Variants in MRO observed in about 807,000 individuals in gnomAD.
MRO encodes protein maestro.
A neutral mutation model predicts 31.0 loss-of-function variants in MRO; 28 were observed. That is an observed-to-expected ratio of 0.90 (90% CI 0.67 to 1.24). The LOEUF is 1.24. MRO is among the 50% of genes most tolerant of loss of function. MRO has a pLI of 0.00. For missense variants in MRO, 332 were observed against 289.2 expected (o/e 1.15, Z -1.07); for synonymous variants, 108 against 108.4 (o/e 1.00, Z 0.02).
chr18:50,805,050 C>A, intron 5 of MRO, 104 bp downstream of exon 5: 4 of 953,178 alleles, frequency 4.2e-6, no homozygotes, highest in Non-Finnish European at 6.5e-6. Flanking sequence ...CTCGGCCTCC[C>A]AAAGTGCTGA....
intron 7 of MRO, 95 bp from the exon 8 acceptor site, chr18:50,799,485 G>C (rs964686933): frequency 5.7e-6 from 6 of 1,049,086 alleles, no homozygotes; most frequent in Admixed American, 5.2e-5. Flanking sequence ...AGGGCATGTG[G>C]ATAAGCAGGA....
In MRO at chr18:50,803,204, A is replaced by G. The variant is rs140411624; in HGVS notation, c.430-1700T>C. On this transcript the variant is annotated intron_variant, in intron 5 of 7. Transcript: ENST00000398439. ...GATTTCTGCTCAAAAATTCCAGGCA[A>G]CCAGGGTTTAAAAAAATGGTTGAAG... 7.8e-3 allele frequency among the ~76,000 whole-genome samples: 1,193 copies of G among 152,260 alleles called. 7 individuals are homozygous for G. Among genetic ancestry groups the G allele is most frequent in the Non-Finnish European group, 0.014 (927 of 68,018 alleles).
At chr18:50,810,149 G>A (rs549813061) in intron 2 of MRO, among the ~76,000 whole-genome samples, 42 of 151,912 alleles carry the variant, frequency 2.8e-4, no homozygotes, top group African/African-American at 8.2e-4. Context: ...TTTTTTTTAC[G>A]TTGTCCAGTC....
At chr18:50,806,284 G>A (rs1913915404) in intron 4 of MRO, among the ~76,000 whole-genome samples, 1 of 152,162 alleles carries the variant, frequency 6.6e-6, no homozygotes, top group African/African-American at 2.4e-5. Flanking sequence ...CCTCCTGCTG[G>A]CCTGGAGGAA....
chr18:50,816,860 C>T (rs903769581), intron 2 of MRO, among the ~76,000 whole-genome samples: 1 of 152,162 alleles, frequency 6.6e-6, no homozygotes, highest in African/African-American at 2.4e-5. Flanking sequence ...TATAAAACAG[C>T]TGGTATCTCT....
intron 6 of MRO, among the ~76,000 whole-genome samples, chr18:50,800,422 C>A (rs1913183718): frequency 6.6e-6 from 1 of 152,172 alleles, no homozygotes; most frequent in African/African-American, 2.4e-5. Context: ...TAAATTTAAT[C>A]TCTCTCTCAG....
intron 5 of MRO, among the ~76,000 whole-genome samples, chr18:50,804,607 C>A (rs1458392292): frequency 6.6e-6 from 1 of 151,442 alleles, no homozygotes; most frequent in African/African-American, 2.4e-5. Context: ...GCCTGGGTGA[C>A]AGAGTGAGAC....
rs923712298 is a variant in MRO at position 50,808,692 on chromosome 18, T to C, written c.99+610A>G. On this transcript the variant is annotated intron_variant, in intron 3 of 7. Transcript: ENST00000398439. Reference sequence around the variant, plus strand: ...CTGGTCTAGAACTCCTCAGCTCAAGTGATCCGCCTGCCTCAGCCTCCCAAA... The same window carrying C: ...CTGGTCTAGAACTCCTCAGCTCAAGCGATCCGCCTGCCTCAGCCTCCCAAA... Among the ~76,000 whole-genome samples the C allele has an allele frequency of 2.0e-5, 3 of 151,598 alleles. No homozygotes were observed. The South Asian group carries it at 6.3e-4, about 32-fold the overall frequency.
At chr18:50,801,620 T>C in intron 5 of MRO, 116 bp from the exon 6 acceptor site, 1 of 978,984 alleles carries the variant, frequency 1.0e-6, no homozygotes, top group Admixed American at 2.4e-5. Flanking sequence ...TCAGAACACA[T>C]CACAGCCATC....
At chr18:50,824,463 T>C (rs928851473), upstream of MRO, among the ~76,000 whole-genome samples, 2 of 135,174 alleles carry the variant, frequency 1.5e-5, no homozygotes, top group African/African-American at 2.7e-5. Context: ...TTCTTTCTTT[T>C]TTTTTTTTTG....
chr18:50,816,211 T>G (rs1914906903), intron 2 of MRO: 1 of 152,668 alleles, frequency 6.6e-6, no homozygotes, highest in Non-Finnish European at 1.5e-5. Flanking sequence ...TACTGCAGCT[T>G]AAACAGAAAA....
At chr18:50,822,296 A>T (rs1337492536), upstream of MRO, among the ~76,000 whole-genome samples, 1 of 151,696 alleles carries the variant, frequency 6.6e-6, no homozygotes, top group Non-Finnish European at 1.5e-5. Context: ...TGTGAATTAC[A>T]TGTGTATTAC....
In MRO at chr18:50,803,189, C is replaced by CA. The variant is rs149795071; in HGVS notation, c.430-1686dup. 3.8e-3 allele frequency among the ~76,000 whole-genome samples: 576 copies of CA among 152,106 alleles called. 1 individual carries two copies. The highest frequency in any genetic ancestry group is 0.013 in the African/African-American group (545 of 41,474). ...TTCTACATGGCCGGGGATTTCTGCTCAAAAATTCCAGGCAACCAGGGTTTA... is the reference window on the plus strand; with the variant it reads ...TTCTACATGGCCGGGGATTTCTGCTCAAAAAATTCCAGGCAACCAGGGTTTA... On this transcript the variant is annotated intron_variant, in intron 5 of 7. Coordinates refer to ENST00000398439, the MANE Select transcript of MRO (RefSeq NM_031939.6).
chr18:50,821,535 G>A (rs1474156200), upstream of MRO, among the ~76,000 whole-genome samples: 3 of 152,144 alleles, frequency 2.0e-5, no homozygotes, highest in African/African-American at 2.4e-5. Flanking sequence ...AAGATTATCC[G>A]AAGAACAGAG....
chr18:50,806,617 G>C lies in MRO; in HGVS notation c.246+87C>G. The C allele has an allele frequency of 3.3e-6, 5 of 1,498,608 alleles. No individual in the cohort carries two copies. In the South Asian group the frequency reaches 5.8e-5, roughly 17 times the overall value. 92.8% of individuals were successfully genotyped at this position (1,498,608 alleles called of 1,614,324 possible). On this transcript the variant is annotated intron_variant, in intron 4 of 7. Transcript: ENST00000398439. ...GGGGTGATAGATAACTAATACAACA[G>C]ACACCATACTCCAGCCCTGGGAGTC...
rs1913962749 is a variant in MRO, at chr18:50,806,629, C to T, written c.246+75G>A. On this transcript the variant is annotated intron_variant, in intron 4 of 7. Transcript: ENST00000398439. ...AACTAATACAACAGACACCATACTC[C>T]AGCCCTGGGAGTCTCCACACCAAGG... 5 of 1,561,258 alleles carry T rather than the reference C, an allele frequency of 3.2e-6. No homozygotes were observed. The East Asian group carries it at 6.7e-5, about 21-fold the overall frequency.
chr18:50,800,181 G>T (rs1380008563), intron 6 of MRO, 38 bp from the exon 7 acceptor site: 3 of 1,420,254 alleles, frequency 2.1e-6, no homozygotes, highest in Non-Finnish European at 2.9e-6. Flanking sequence ...TTATTAGAGA[G>T]TTCCATAATC....
chr18:50,818,444 G>A (rs531438445), intron 2 of MRO, among the ~76,000 whole-genome samples: 6 of 152,212 alleles, frequency 3.9e-5, no homozygotes, highest in African/African-American at 1.4e-4. Context: ...TGGTTTTCAC[G>A]AACCCCAAGA....
upstream of MRO, chr18:50,820,043 A>C: frequency 1.5e-6 from 2 of 1,295,524 alleles, no homozygotes; most frequent in Non-Finnish European, 2.2e-6. Context: ...CACCAAACAA[A>C]ACCTCCCTGC....
Sources: allele counts gnomAD v4.1 joint callset (sites outside exome capture counted in the v4.1 genomes callset), GRCh38; gene constraint gnomAD v4.1.1; transcripts MANE v1.5; gene names NCBI Gene and HGNC (gene_info 2026-07-23, HGNC 2026-07-21).